The following OLFM3 variants were observed in gnomAD, a reference collection of about 807,000 sequenced individuals.
OLFM3 encodes the protein noelin-3.
OLFM3 carries 20 observed loss-of-function variants against 48.6 expected under a neutral mutation model. That is an observed-to-expected ratio of 0.41 (90% CI 0.29 to 0.60). OLFM3 has a LOEUF of 0.60. OLFM3 is among the 20% of genes least tolerant of loss of function. The pLI, the probability that OLFM3 is intolerant of heterozygous loss-of-function variation, is 0.28. For synonymous variants in OLFM3, 222 were observed against 198.1 expected (o/e 1.12, Z -1.01); for missense variants, 437 against 544.3 (o/e 0.80, Z 1.96).
intron 1 of OLFM3, among the ~76,000 whole-genome samples, chr1:101,956,648 T>A (rs1660306490): frequency 6.6e-6 from 1 of 151,940 alleles, no homozygotes; most frequent in South Asian, 2.1e-4. Flanking sequence ...AAGCTTATTA[T>A]AAGCTTATTC....
intron 1 of OLFM3, among the ~76,000 whole-genome samples, chr1:101,970,961 G>T (rs1660767393): frequency 6.6e-6 from 1 of 152,206 alleles, no homozygotes; most frequent in Non-Finnish European, 1.5e-5. Flanking sequence ...GTAGCTGAGT[G>T]ATGGCAGATG....
intron 4 of OLFM3, among the ~76,000 whole-genome samples, chr1:101,823,527 G>T (rs766921345): frequency 6.2e-4 from 94 of 152,016 alleles, no homozygotes; most frequent in Non-Finnish European, 1.2e-3. Context: ...TGTGAGGAGA[G>T]AAGTGGCAAA....
At chr1:101,816,770 G>A (rs1418179933) in intron 4 of OLFM3, among the ~76,000 whole-genome samples, 1 of 152,086 alleles carries the variant, frequency 6.6e-6, no homozygotes, top group African/African-American at 2.4e-5. Context: ...TGGACAGAAG[G>A]TGGTATTTGT....
rs1276756437 is a variant in OLFM3, at chr1:101,836,987, G to A, written c.108C>T (p.Ser36=). The change falls in exon 2 of 6, where the codon AGC becomes AGT. Residue 36 remains serine (S), a synonymous_variant. Transcript: ENST00000370103. ...ACCGCCCATCAGGATCCTGAGCTGAGCTGTACACCTGCCACCCTTCTTTAG... is the reference window on the plus strand; with the variant it reads ...ACCGCCCATCAGGATCCTGAGCTGAACTGTACACCTGCCACCCTTCTTTAG... ...ISPKEGWQVY[S]SAQDPDGRCI... 6.2e-7 allele frequency: 1 copy of A among 1,613,994 alleles called. No individual in the cohort carries two copies. Among genetic ancestry groups the A allele is most frequent in the Non-Finnish European group, 8.5e-7 (1 of 1,179,994 alleles).
intron 1 of OLFM3, among the ~76,000 whole-genome samples, chr1:101,875,460 C>T (rs762122383): frequency 6.6e-6 from 1 of 151,894 alleles, no homozygotes; most frequent in Non-Finnish European, 1.5e-5. Flanking sequence ...ATAGGAGAAA[C>T]TATGTGCATG....
At chr1:101,948,741 T>C (rs1660032933) in intron 1 of OLFM3, among the ~76,000 whole-genome samples, 1 of 151,776 alleles carries the variant, frequency 6.6e-6, no homozygotes, top group South Asian at 2.1e-4. Flanking sequence ...TTTTCTCTTT[T>C]TATTCTCCTC....
chr1:101,847,259 A>C (rs896442003), intron 1 of OLFM3, among the ~76,000 whole-genome samples: 1 of 152,154 alleles, frequency 6.6e-6, no homozygotes, highest in Non-Finnish European at 1.5e-5. Flanking sequence ...AGGGAGGCGG[A>C]AACTTGAGCT....
intron 1 of OLFM3, among the ~76,000 whole-genome samples, chr1:101,961,176 G>A (rs1345967679): frequency 1.3e-5 from 2 of 151,994 alleles, no homozygotes; most frequent in African/African-American, 4.8e-5. Flanking sequence ...TATTTTTAGA[G>A]GATTAATGAC....
chr1:101,941,636 A>G (rs1028481092), intron 1 of OLFM3, among the ~76,000 whole-genome samples: 4 of 152,220 alleles, frequency 2.6e-5, no homozygotes, highest in Admixed American at 6.5e-5. Context: ...TTAAAATTGT[A>G]GAAACATTTT....
At chr1:101,985,565 T>A (rs1661211980) in intron 1 of OLFM3, among the ~76,000 whole-genome samples, 1 of 152,210 alleles carries the variant, frequency 6.6e-6, no homozygotes, top group Non-Finnish European at 1.5e-5. Context: ...TAGATAACCA[T>A]CCATCAGCTC....
At chr1:101,941,905 C>G (rs999232163) in intron 1 of OLFM3, among the ~76,000 whole-genome samples, 11 of 152,146 alleles carry the variant, frequency 7.2e-5, no homozygotes, top group African/African-American at 2.7e-4. Context: ...AACTAACTTA[C>G]GTAAAACACT....
intron 3 of OLFM3, among the ~76,000 whole-genome samples, chr1:101,826,564 T>C (rs1457462702): frequency 2.0e-5 from 3 of 152,196 alleles, no homozygotes; most frequent in South Asian, 2.1e-4. Flanking sequence ...CCCTGATTTA[T>C]GGGTTTGAGT....
Position 101,960,686 on chromosome 1 carries a change from C to T in OLFM3, c.69+36062G>A, listed in dbSNP as rs562173735. Among the ~76,000 whole-genome samples, 3 of 152,210 alleles carry T rather than the reference C, an allele frequency of 2.0e-5. No homozygotes were observed. In the South Asian group the frequency reaches 6.2e-4, roughly 32 times the overall value. On this transcript the variant is annotated intron_variant, in intron 1 of 5. Coordinates refer to ENST00000370103, the MANE Select transcript of OLFM3 (RefSeq NM_058170.4). ...TTTTATATTTATAGATGACTGACCA[C>T]TCTCTCTTTTGATTGGCACATTCTT...
intron 1 of OLFM3, among the ~76,000 whole-genome samples, chr1:101,969,207 G>A (rs551474116): frequency 6.6e-6 from 1 of 152,124 alleles, no homozygotes; most frequent in African/African-American, 2.4e-5. Flanking sequence ...GAATGCAATG[G>A]CACAATCAGA....
intron 3 of OLFM3, among the ~76,000 whole-genome samples, chr1:101,828,197 C>T (rs1266681114): frequency 3.9e-5 from 6 of 152,070 alleles, no homozygotes; most frequent in Non-Finnish European, 7.4e-5. Context: ...TCACACATTA[C>T]GCAGTCTCAG....
rs747285819 is a variant in OLFM3 at position 101,890,815 on chromosome 1, A to G, written c.70-53790T>C. On this transcript the variant is annotated intron_variant, in intron 1 of 5. Transcript: ENST00000370103. Reference sequence around the variant, plus strand: ...CATTGCTTAAATAATTATAAAAATGAAATTCAAGAAATAATTTGGGAAGAT... The same window carrying G: ...CATTGCTTAAATAATTATAAAAATGGAATTCAAGAAATAATTTGGGAAGAT... 3.1e-4 allele frequency among the ~76,000 whole-genome samples: 47 copies of G among 152,154 alleles called. No individual in the cohort carries two copies. The Middle Eastern group carries it at 0.014, about 44-fold the overall frequency.
intron 1 of OLFM3, among the ~76,000 whole-genome samples, chr1:101,861,072 T>G (rs7535330): frequency 6.6e-6 from 1 of 151,698 alleles, no homozygotes; most frequent in Non-Finnish European, 1.5e-5. Context: ...TTGATTATAT[T>G]TTTTTTTGAG....
Position 101,996,835 on chromosome 1 carries a change from C to A in OLFM3, c.-19G>T, listed in dbSNP as rs369143122. On this transcript the variant is annotated 5_prime_UTR_variant, in exon 1 of 6. Transcript: ENST00000370103. ...CCTGCATTCTGATCTGGGTTTTTGC[C>A]CCTCTTTACTCTCTTTTATGTAGGC... The A allele has an allele frequency of 8.1e-6, 13 of 1,613,764 alleles. No homozygotes were observed. The highest frequency in any genetic ancestry group is 1.1e-5 in the Non-Finnish European group (13 of 1,179,786).
chr1:101,892,704 C>A (rs1398573627), intron 1 of OLFM3, among the ~76,000 whole-genome samples: 1 of 151,892 alleles, frequency 6.6e-6, no homozygotes, highest in Non-Finnish European at 1.5e-5. Flanking sequence ...GCATTGAATT[C>A]AAAGTTTAGC....
Sources: allele counts gnomAD v4.1 joint callset (sites outside exome capture counted in the v4.1 genomes callset), GRCh38; gene constraint gnomAD v4.1.1; transcripts MANE v1.5; gene names NCBI Gene and HGNC (gene_info 2026-07-23, HGNC 2026-07-21).